Variants in SPECC1L observed in about 807,000 individuals in gnomAD.
SPECC1L encodes the protein cytospin-A.
SPECC1L carries 40 observed loss-of-function variants against 116.8 expected under a neutral mutation model. The observed-to-expected ratio is 0.34, with a 90% CI of 0.27 to 0.45. The LOEUF (loss-of-function observed/expected upper bound fraction) is 0.45, where lower values mean the gene tolerates loss of function less well. Among genes scored for constraint, SPECC1L ranks in the 20% least tolerant of loss-of-function variants. The pLI, the probability that SPECC1L is intolerant of heterozygous loss-of-function variation, is 1.00. For missense variants in SPECC1L, 1,110 were observed against 1,373.6 expected (o/e 0.81, Z 3.03); for synonymous variants, 504 against 500.6 (o/e 1.01, Z -0.09).
intron 11 of SPECC1L, among the ~76,000 whole-genome samples, chr22:24,349,361 G>A (rs55704252): frequency 0.037 from 5,585 of 152,258 alleles, 136 homozygotes; most frequent in Middle Eastern, 0.071. Context: ...TCTTCTTCCT[G>A]ACCTGTACGT....
chr22:24,293,777 C>T (rs1434379207), intron 2 of SPECC1L, among the ~76,000 whole-genome samples: 1 of 131,068 alleles, frequency 7.6e-6, no homozygotes, highest in African/African-American at 2.9e-5. Context: ...GTGGTGCTGA[C>T]TTGGAAGGAG....
chr22:24,383,010 T>G (rs1472949687), intron 14 of SPECC1L, among the ~76,000 whole-genome samples: 2 of 152,202 alleles, frequency 1.3e-5, no homozygotes, highest in Non-Finnish European at 2.9e-5. Context: ...CTTAAAAACT[T>G]AAGCACAGTT....
chr22:24,372,456 A>G (rs2041890645), intron 14 of SPECC1L, among the ~76,000 whole-genome samples: 1 of 152,212 alleles, frequency 6.6e-6, no homozygotes, highest in Non-Finnish European at 1.5e-5. Context: ...CCTGGGATGC[A>G]AGGCTGGTTC....
In SPECC1L at chr22:24,321,576, T is replaced by G; in HGVS notation, c.596T>G (p.Ile199Ser). The G allele has an allele frequency of 6.2e-7, 1 of 1,614,160 alleles. No homozygotes were observed. The highest frequency in any genetic ancestry group is 8.5e-7 in the Non-Finnish European group (1 of 1,180,020). The change falls in exon 5 of 17, where the codon ATT becomes AGT. Residue 199 changes from isoleucine (I) to serine (S), a missense_variant. Ile to Ser is a moderately radical substitution (Grantham distance 142). Around this residue, in one of 4 missense-constraint regions of SPECC1L, gnomAD observed 437 missense variants for 482.6 expected, o/e 0.91. Transcript: ENST00000314328. Reference protein sequence around the residue: ...LTLAKTKDVEILHLRNELRDM... With the variant: ...LTLAKTKDVESLHLRNELRDM... The stretch of plus-strand genomic sequence containing the variant: ...CTGGCAAAAACCAAAGACGTAGAAA[T>G]TTTACATTTGAGAAATGAACTGCGA...
chr22:24,403,300 T>A (rs2042516624), intron 14 of SPECC1L, among the ~76,000 whole-genome samples: 1 of 152,290 alleles, frequency 6.6e-6, no homozygotes, highest in South Asian at 2.1e-4. Flanking sequence ...GTAGAAAAGC[T>A]CTAAATTGAC....
At position 24,324,415 on chromosome 22, in the gene SPECC1L, T is replaced by C; in HGVS notation, c.2134T>C (p.Ser712Pro). 1.9e-6 allele frequency: 3 copies of C among 1,613,618 alleles called. No homozygotes were observed. The highest frequency in any genetic ancestry group is 2.5e-6 in the Non-Finnish European group (3 of 1,179,500). Residue 712 changes from serine to proline, a missense_variant, in exon 6 of 17, where the codon TCT (serine) becomes CCT (proline). Coordinates refer to ENST00000314328, the MANE Select transcript of SPECC1L (RefSeq NM_015330.6). ...GAAACTTCATGACAACCTCATTATT[T>C]CTGATCTAGAGAGTAAGTGATAAGA... The part of the protein sequence containing the change: ...AVKLHDNLII[S>P]DLENTVKKLQ...
At chr22:24,408,059 C>T (rs990987413) in intron 14 of SPECC1L, among the ~76,000 whole-genome samples, 5 of 152,156 alleles carry the variant, frequency 3.3e-5, no homozygotes, top group African/African-American at 4.8e-5. Context: ...CAGACTGCTG[C>T]GGGTGGCTGT....
intron 14 of SPECC1L, among the ~76,000 whole-genome samples, chr22:24,385,919 C>T (rs1344677266): frequency 1.3e-5 from 2 of 152,260 alleles, no homozygotes; most frequent in Non-Finnish European, 2.9e-5. Context: ...TAAAACACTG[C>T]ACCAGACAAT....
intron 10 of SPECC1L, chr22:24,343,401 A>G: frequency 2.4e-6 from 1 of 421,254 alleles, no homozygotes; most frequent in Non-Finnish European, 4.7e-6. Flanking sequence ...GAATGATCAC[A>G]GACTTCTAGT....
At chr22:24,404,029 CAT>C (rs1440718192) in intron 14 of SPECC1L, among the ~76,000 whole-genome samples, 2 of 152,202 alleles carry the variant, frequency 1.3e-5, no homozygotes, top group South Asian at 2.1e-4. Context: ...CATGGCAACT[CAT>C]ATGTTTCTAA....
In SPECC1L at chr22:24,276,091, A is replaced by G. The variant is rs1273430149; in HGVS notation, c.-141-609A>G. 4.6e-5 allele frequency among the ~76,000 whole-genome samples: 7 copies of G among 152,080 alleles called. No homozygotes were observed. In the East Asian group the frequency reaches 7.7e-4, roughly 17 times the overall value. Reference sequence around the variant, plus strand: ...GTCAAGCCTAGGAAAGAAGTATGCAAAGAAACTGGTGGCAGGCTGGATGTG... The same window carrying G: ...GTCAAGCCTAGGAAAGAAGTATGCAGAGAAACTGGTGGCAGGCTGGATGTG... On this transcript the variant is annotated intron_variant, in intron 1 of 16. Coordinates refer to ENST00000314328, the MANE Select transcript of SPECC1L (RefSeq NM_015330.6).
At chr22:24,277,884 A>G (rs1165882513) in intron 2 of SPECC1L, among the ~76,000 whole-genome samples, 1 of 152,232 alleles carries the variant, frequency 6.6e-6, no homozygotes, top group Non-Finnish European at 1.5e-5. Context: ...ATATCCTTTC[A>G]GTTCTCTCAG....
intron 14 of SPECC1L, among the ~76,000 whole-genome samples, chr22:24,397,785 C>T (rs1051535181): frequency 6.6e-6 from 1 of 152,056 alleles, no homozygotes; most frequent in African/African-American, 2.4e-5. Context: ...AGAAGTGAAG[C>T]CTGTTTTTTT....
chr22:24,284,677 T>C lies in SPECC1L; in HGVS notation c.-38+7874T>C, dbSNP rs988940617. 3.3e-5 allele frequency among the ~76,000 whole-genome samples: 5 copies of C among 152,292 alleles called. No individual in the cohort carries two copies. The East Asian group carries it at 9.7e-4, about 29-fold the overall frequency. Reference sequence around the variant, plus strand: ...GTCTCGATCTCCTGACCTCGTGTTCTGCCTGCCTTGGCCTCTGAAAGTGCT... The same window carrying C: ...GTCTCGATCTCCTGACCTCGTGTTCCGCCTGCCTTGGCCTCTGAAAGTGCT... On this transcript the variant is annotated intron_variant, in intron 2 of 16. Coordinates refer to ENST00000314328, the MANE Select transcript of SPECC1L (RefSeq NM_015330.6).
intron 1 of SPECC1L, among the ~76,000 whole-genome samples, chr22:24,274,152 G>C: frequency 6.6e-6 from 1 of 152,198 alleles, no homozygotes; most frequent in East Asian, 1.9e-4. Context: ...GACTAGATGC[G>C]AGGTAAAGAA....
chr22:24,404,243 T>C (rs950738629), intron 14 of SPECC1L, among the ~76,000 whole-genome samples: 35 of 152,292 alleles, frequency 2.3e-4, no homozygotes, highest in African/African-American at 5.8e-4. Flanking sequence ...GAGGCCTCCT[T>C]CTTGCTTATG....
intron 14 of SPECC1L, among the ~76,000 whole-genome samples, chr22:24,404,543 C>T (rs1445931466): frequency 6.6e-6 from 1 of 152,204 alleles, no homozygotes; most frequent in Non-Finnish European, 1.5e-5. Flanking sequence ...CATAGCCAGT[C>T]TGTTGCCAAG....
intron 10 of SPECC1L, 141 bp from the exon 11 acceptor site, chr22:24,346,945 G>T: frequency 1.4e-6 from 1 of 729,668 alleles, no homozygotes. Context: ...GTCCATGCCT[G>T]TAAGGTGTGT....
At chr22:24,303,749 C>T (rs562573442) in intron 3 of SPECC1L, among the ~76,000 whole-genome samples, 3 of 152,140 alleles carry the variant, frequency 2.0e-5, no homozygotes, top group Admixed American at 1.3e-4. Flanking sequence ...ACAGTGAGTA[C>T]TTTTCCACTG....
Sources: gnomAD v4.1 joint callset for allele counts (sites outside exome capture counted in the v4.1 genomes callset) on GRCh38, gnomAD v4.1.1 for gene constraint, gnomAD v4.1.1 regional missense constraint, MANE v1.5 for transcripts, NCBI Gene and HGNC (gene_info 2026-07-23, HGNC 2026-07-21) for gene names.